GRB2: variants seen among roughly 807,000 people sequenced by gnomAD.
GRB2 encodes the protein growth factor receptor bound protein 2, also known as growth factor receptor-bound protein 2.
Under a neutral mutation model 27.4 loss-of-function variants are expected in GRB2, and 2 were observed. That is an observed-to-expected ratio of 0.07 (90% CI 0.03 to 0.23). The LOEUF is 0.23. GRB2 is among the 10% of genes least tolerant of loss of function. The probability of loss-of-function intolerance (pLI) is 1.00; values close to 1 mark genes in which losing one functional copy is unlikely to be tolerated. For synonymous variants in GRB2, 94 were observed against 99.6 expected (o/e 0.94, Z 0.33); for missense variants, 102 against 282.4 (o/e 0.36, Z 4.58).
At chr17:75,352,456 C>G (rs952473762) in intron 2 of GRB2, among the ~76,000 whole-genome samples, 1 of 152,172 alleles carries the variant, frequency 6.6e-6, no homozygotes, top group Non-Finnish European at 1.5e-5. Context: ...AGAACAACTT[C>G]CTGATTTCAT....
intron 2 of GRB2, among the ~76,000 whole-genome samples, chr17:75,353,448 G>C (rs1223224028): frequency 7.0e-6 from 1 of 142,464 alleles, no homozygotes; most frequent in Non-Finnish European, 1.6e-5. Context: ...GTATTTCCTC[G>C]AGTTTCTATG....
chr17:75,386,221 C>T (rs1015636581), intron 2 of GRB2, among the ~76,000 whole-genome samples: 10 of 151,884 alleles, frequency 6.6e-5, no homozygotes, highest in African/African-American at 9.7e-5. Flanking sequence ...CGAGTTCAAG[C>T]GATTCTCATG....
intron 2 of GRB2, chr17:75,339,175 C>G (rs1257581870): frequency 1.6e-5 from 13 of 834,084 alleles, no homozygotes; most frequent in Admixed American, 3.9e-5. Context: ...ATTATGAAGA[C>G]AATAAAATCC....
intron 1 of GRB2, among the ~76,000 whole-genome samples, chr17:75,396,120 C>A (rs767805386): frequency 2.0e-5 from 3 of 152,076 alleles, no homozygotes; most frequent in Non-Finnish European, 4.4e-5. Context: ...TTACAGGCAT[C>A]GGCCGCTGTG....
intron 2 of GRB2, among the ~76,000 whole-genome samples, chr17:75,361,215 A>C (rs1256027737): frequency 1.3e-5 from 2 of 152,222 alleles, no homozygotes; most frequent in African/African-American, 4.8e-5. Flanking sequence ...CTTGACCACA[A>C]ACAGCTAATA....
rs540773800 is a variant in GRB2, at chr17:75,371,715, C to T, written c.78+21836G>A. 2.0e-5 allele frequency: 3 copies of T among 151,772 alleles called. No individual in the cohort carries two copies. The South Asian group carries it at 6.2e-4, about 32-fold the overall frequency. The allele number at this position is 151,772 out of a possible 1,614,324, so 9.4% of individuals were successfully genotyped here. A position where few individuals can be genotyped will look rare whatever the true frequency, so the allele number is the denominator to read the frequency against. On this transcript the variant is annotated intron_variant, in intron 2 of 5. Transcript: ENST00000316804. ...CGTAAATGCTAAAGGTTACACCACACAAAAGGAACAACATGACTGAAGACC... is the reference window on the plus strand; with the variant it reads ...CGTAAATGCTAAAGGTTACACCACATAAAAGGAACAACATGACTGAAGACC...
chr17:75,385,049 A>AGC (rs1567874264), intron 2 of GRB2, among the ~76,000 whole-genome samples: 9 of 84,208 alleles, frequency 1.1e-4, no homozygotes, highest in East Asian at 6.0e-4. Flanking sequence ...AAAAAAAAAA[A>AGC]AAAAAAAAAG....
intron 1 of GRB2, among the ~76,000 whole-genome samples, chr17:75,395,642 A>G (rs561541353): frequency 2.6e-4 from 39 of 152,266 alleles, no homozygotes; most frequent in African/African-American, 9.4e-4. Flanking sequence ...CACAAAATGG[A>G]TAGAGTATTT....
chr17:75,366,651 CAA>C (rs2078821979), intron 2 of GRB2, among the ~76,000 whole-genome samples: 1 of 151,806 alleles, frequency 6.6e-6, no homozygotes, highest in African/African-American at 2.4e-5. Context: ...CACAAAAAAA[CAA>C]ACAAAAATTA....
intron 2 of GRB2, among the ~76,000 whole-genome samples, chr17:75,378,520 A>G (rs1454675549): frequency 6.6e-6 from 1 of 152,204 alleles, no homozygotes; most frequent in East Asian, 1.9e-4. Flanking sequence ...GGAAGGGATG[A>G]AGTGAGAGAA....
intron 2 of GRB2, among the ~76,000 whole-genome samples, chr17:75,385,076 CAAA>C (rs1555612754): frequency 3.9e-5 from 3 of 77,146 alleles, no homozygotes; most frequent in Non-Finnish European, 7.8e-5. Flanking sequence ...AACAAACAAA[CAAA>C]AAAACCCTTA....
At chr17:75,327,458 CCTCCTGGGTTCAAGCAATT>C (rs1461192285) in intron 3 of GRB2, among the ~76,000 whole-genome samples, 1 of 151,408 alleles carries the variant, frequency 6.6e-6, no homozygotes. Flanking sequence ...GCAACCTTCG[CCTCCTGGGTTCAAGCAATT>C]CTCCTGCCTC....
At chr17:75,321,126 C>T (rs1017142405) in intron 5 of GRB2, among the ~76,000 whole-genome samples, 2 of 151,268 alleles carry the variant, frequency 1.3e-5, no homozygotes, top group African/African-American at 4.9e-5. Flanking sequence ...TGGCTACACA[C>T]TGCCTCTGGA....
chr17:75,360,156 G>A (rs538859245), intron 2 of GRB2, among the ~76,000 whole-genome samples: 20 of 150,850 alleles, frequency 1.3e-4, no homozygotes, highest in Admixed American at 4.0e-4. Flanking sequence ...AATCATAAAC[G>A]ATCTCCCAAA....
chr17:75,375,885 C>T (rs1188011210), intron 2 of GRB2, among the ~76,000 whole-genome samples: 2 of 151,654 alleles, frequency 1.3e-5, no homozygotes, highest in African/African-American at 2.4e-5. Context: ...TTTAGCCGGG[C>T]GTGGTGGTGG....
At chr17:75,369,822 T>C (rs2078844218) in intron 2 of GRB2, among the ~76,000 whole-genome samples, 8 of 150,546 alleles carry the variant, frequency 5.3e-5, no homozygotes. Flanking sequence ...ATCGTGCCAC[T>C]GCACTCCAGC....
chr17:75,392,551 C>T (rs986124273), intron 2 of GRB2, among the ~76,000 whole-genome samples: 2 of 152,200 alleles, frequency 1.3e-5, no homozygotes, highest in African/African-American at 4.8e-5. Flanking sequence ...TCTCCACTTG[C>T]TTTCTCTTCA....
chr17:75,352,279 C>T (rs2078697411), intron 2 of GRB2, among the ~76,000 whole-genome samples: 1 of 152,146 alleles, frequency 6.6e-6, no homozygotes, highest in African/African-American at 2.4e-5. Flanking sequence ...CTTGCTCCGC[C>T]TCTAGTTCTT....
chr17:75,399,610 C>T (rs923266244), intron 1 of GRB2, among the ~76,000 whole-genome samples: 2 of 152,014 alleles, frequency 1.3e-5, no homozygotes, highest in African/African-American at 4.8e-5. Context: ...TCGTGATCCA[C>T]CCGCCTTGGC....
Sources: gnomAD v4.1 joint callset for allele counts (sites outside exome capture counted in the v4.1 genomes callset) on GRCh38, gnomAD v4.1.1 for gene constraint, MANE v1.5 for transcripts, NCBI Gene and HGNC (gene_info 2026-07-23, HGNC 2026-07-21) for gene names.